The following TMPRSS15 variants were observed in gnomAD, a reference collection of about 807,000 sequenced individuals.
TMPRSS15 encodes the protein enteropeptidase.
Under a neutral mutation model 125.3 loss-of-function variants are expected in TMPRSS15, and 128 were observed. That is an observed-to-expected ratio of 1.02 (90% CI 0.89 to 1.18). The LOEUF (loss-of-function observed/expected upper bound fraction) is 1.18, where lower values mean the gene tolerates loss of function less well. TMPRSS15 is among the 50% of genes most tolerant of loss of function. TMPRSS15 has a pLI of 0.00. For synonymous variants in TMPRSS15, 446 were observed against 423.2 expected (o/e 1.05, Z -0.66); for missense variants, 1,283 against 1,212.7 (o/e 1.06, Z -0.86).
chr21:18,472,907 T>G (rs1280035540), intron 1 of TMPRSS15, among the ~76,000 whole-genome samples: 1 of 152,050 alleles, frequency 6.6e-6, no homozygotes, highest in East Asian at 1.9e-4. Context: ...TAATAGCACG[T>G]AAGATTGATA....
intron 16 of TMPRSS15, among the ~76,000 whole-genome samples, chr21:18,321,611 A>G (rs2075238283): frequency 6.6e-6 from 1 of 152,092 alleles, no homozygotes; most frequent in Admixed American, 6.5e-5. Flanking sequence ...TTGGCCTCCC[A>G]AAGTGCTGGG....
In TMPRSS15 at chr21:18,398,324, C is replaced by T. The variant is rs1379971294; in HGVS notation, c.151G>A (p.Ala51Thr). The T allele has an allele frequency of 6.2e-7, 1 of 1,613,394 alleles. No homozygotes were observed. Among genetic ancestry groups the T allele is most frequent in the African/African-American group, 1.3e-5 (1 of 74,900 alleles). The change falls in exon 2 of 25, where the codon GCA (alanine) becomes ACA (threonine). Residue 51 changes from alanine to threonine, a missense_variant. Ala to Thr is a moderately conservative substitution (Grantham distance 58, BLOSUM62 0). Coordinates refer to ENST00000284885, the MANE Select transcript of TMPRSS15 (RefSeq NM_002772.3). ...LTIKESQRGA[A>T]LGQSHEARAT... The stretch of plus-strand genomic sequence containing the variant: ...CTGGCTTCATGACTCTGTCCAAGTG[C>T]TGCACCTAGATAAATTAATAAGGAA...
intron 1 of TMPRSS15, among the ~76,000 whole-genome samples, chr21:18,465,451 G>A (rs1978640651): frequency 1.3e-5 from 2 of 152,230 alleles, no homozygotes; most frequent in Admixed American, 6.5e-5. Flanking sequence ...TATTCAAATA[G>A]GAAGAGAGGA....
intron 18 of TMPRSS15, among the ~76,000 whole-genome samples, chr21:18,302,148 T>G (rs747848939): frequency 6.6e-6 from 1 of 152,210 alleles, no homozygotes; most frequent in Non-Finnish European, 1.5e-5. Flanking sequence ...AGAATAATAA[T>G]GCATGCTGCA....
At chr21:18,415,542 A>C (rs2123180370) in intron 1 of TMPRSS15, among the ~76,000 whole-genome samples, 1 of 152,220 alleles carries the variant, frequency 6.6e-6, no homozygotes, top group South Asian at 2.1e-4. Flanking sequence ...GGTGTTAGGC[A>C]GAGATCTATT....
chr21:18,332,297 A>G, intron 13 of TMPRSS15, 124 bp from the exon 14 acceptor site: 2 of 831,170 alleles, frequency 2.4e-6, no homozygotes, highest in Non-Finnish European at 4.1e-6. Context: ...TAAATTTTAG[A>G]GTCATGTTAG....
chr21:18,287,003 G>T (rs1352821122), intron 21 of TMPRSS15, among the ~76,000 whole-genome samples: 3 of 152,126 alleles, frequency 2.0e-5, no homozygotes, highest in Non-Finnish European at 2.9e-5. Flanking sequence ...ATTGGTCTGT[G>T]ACACTTTCTC....
At position 18,372,197 on chromosome 21, in the gene TMPRSS15, C is replaced by T; in HGVS notation, c.660G>A (p.Met220Ile). 1 of 1,604,436 alleles carries T rather than the reference C, an allele frequency of 6.2e-7. No homozygotes were observed. The highest frequency in any genetic ancestry group is 1.7e-5 in the Admixed American group (1 of 59,642). The change falls in exon 6 of 25, where the codon ATG (methionine) becomes ATA (isoleucine). Residue 220 changes from methionine to isoleucine, a missense_variant. By Grantham distance (10) the Met-to-Ile change is conservative. Coordinates refer to ENST00000284885, the MANE Select transcript of TMPRSS15 (RefSeq NM_002772.3). ...AGAGTAGGGGGGAGAACTTACCACA[C>T]ATTTTATTGTCTTCGTCAGAACCAT... ...CPDGSDEDNK[M>I]CATVCDGRFL...
At chr21:18,284,773 G>T (rs931932287) in intron 21 of TMPRSS15, among the ~76,000 whole-genome samples, 1 of 152,132 alleles carries the variant, frequency 6.6e-6, no homozygotes, top group African/African-American at 2.4e-5. Flanking sequence ...GGCCGAGGCA[G>T]GTGGATCACC....
chr21:18,482,682 C>T (rs1979004952), intron 1 of TMPRSS15, among the ~76,000 whole-genome samples: 1 of 151,338 alleles, frequency 6.6e-6, no homozygotes, highest in African/African-American at 2.4e-5. Context: ...TATGATTTTA[C>T]CTATTGAGGA....
intron 24 of TMPRSS15, among the ~76,000 whole-genome samples, chr21:18,272,958 C>T (rs896405681): frequency 1.3e-5 from 2 of 152,042 alleles, no homozygotes; most frequent in Non-Finnish European, 2.9e-5. Context: ...TCAGAATCTC[C>T]TGGAAGATGT....
chr21:18,467,984 A>C (rs928081658), intron 1 of TMPRSS15, among the ~76,000 whole-genome samples: 2 of 152,126 alleles, frequency 1.3e-5, no homozygotes, highest in Admixed American at 1.3e-4. Context: ...ACAGAGAGAC[A>C]GTGGAGGTAA....
At chr21:18,371,834 TTAA>T (rs2075794619) in intron 6 of TMPRSS15, among the ~76,000 whole-genome samples, 1 of 151,970 alleles carries the variant, frequency 6.6e-6, no homozygotes, top group Non-Finnish European at 1.5e-5. Flanking sequence ...AGAAGTCAAA[TTAA>T]TAATAGTTTG....
intron 18 of TMPRSS15, among the ~76,000 whole-genome samples, chr21:18,308,438 A>G (rs983848016): frequency 2.0e-5 from 3 of 152,042 alleles, no homozygotes; most frequent in Non-Finnish European, 4.4e-5. Context: ...ACTAATATGC[A>G]TAAACCAAAT....
chr21:18,378,576 G>T (rs2075864572), intron 5 of TMPRSS15, among the ~76,000 whole-genome samples: 3 of 151,968 alleles, frequency 2.0e-5, no homozygotes, highest in African/African-American at 7.3e-5. Context: ...CATAATATTT[G>T]ATGTAAATTT....
At chr21:18,453,562 T>G (rs1202263945) in intron 1 of TMPRSS15, among the ~76,000 whole-genome samples, 1 of 152,158 alleles carries the variant, frequency 6.6e-6, no homozygotes, top group Admixed American at 6.6e-5. Context: ...GACTGGAGAT[T>G]TAGAGACGAG....
intron 23 of TMPRSS15, 32 bp from the exon 24 acceptor site, chr21:18,275,368 C>A (rs750945460): frequency 1.9e-6 from 3 of 1,612,720 alleles, no homozygotes; most frequent in African/African-American, 1.3e-5. Context: ...GCCAGCCAGT[C>A]AGAAGTGATC....
intron 10 of TMPRSS15, among the ~76,000 whole-genome samples, chr21:18,344,750 A>C (rs575133740): frequency 6.6e-6 from 1 of 152,330 alleles, no homozygotes; most frequent in Admixed American, 6.5e-5. Flanking sequence ...TGTTGGGATA[A>C]CATTTTGAAC....
At chr21:18,406,973 T>C (rs2076153530), upstream of TMPRSS15, among the ~76,000 whole-genome samples, 1 of 152,152 alleles carries the variant, frequency 6.6e-6, no homozygotes, top group Non-Finnish European at 1.5e-5. Context: ...TGAACTAAAG[T>C]TGTATGTACT....
Sources: allele counts gnomAD v4.1 joint callset (sites outside exome capture counted in the v4.1 genomes callset), GRCh38; gene constraint gnomAD v4.1.1; transcripts MANE v1.5; gene names NCBI Gene and HGNC (gene_info 2026-07-23, HGNC 2026-07-21).